The following ERC2 variants were observed in gnomAD, a reference collection of about 807,000 sequenced individuals.
ERC2 encodes ELKS/RAB6-interacting/CAST family member 2.
A neutral mutation model predicts 114.8 loss-of-function variants in ERC2; 42 were observed. The ratio of observed to expected loss-of-function variants is 0.37; its 90% CI spans 0.29 to 0.47. ERC2 has a LOEUF of 0.47. ERC2 is among the 20% of genes least tolerant of loss of function. The pLI is 0.99. For missense variants in ERC2, 939 were observed against 1,150.7 expected (o/e 0.82, Z 2.66); for synonymous variants, 454 against 425.5 (o/e 1.07, Z -0.82).
intron 6 of ERC2, among the ~76,000 whole-genome samples, chr3:56,137,928 C>T (rs1420035779): frequency 1.3e-5 from 2 of 152,290 alleles, no homozygotes; most frequent in South Asian, 2.1e-4. Flanking sequence ...TCACTGCTGC[C>T]TCCTCAAAGG....
At chr3:56,242,958 T>G (rs1056092271) in intron 3 of ERC2, among the ~76,000 whole-genome samples, 1 of 152,214 alleles carries the variant, frequency 6.6e-6, no homozygotes, top group African/African-American at 2.4e-5. Flanking sequence ...CACTTGCCCT[T>G]ATTCAGGCTA....
intron 15 of ERC2, among the ~76,000 whole-genome samples, chr3:55,709,932 T>G (rs1354051741): frequency 1.3e-5 from 2 of 152,154 alleles, no homozygotes; most frequent in African/African-American, 4.8e-5. Flanking sequence ...GGTCTCACGC[T>G]TGGGTGAGAC....
At chr3:56,038,317 C>T (rs1341141169) in intron 7 of ERC2, among the ~76,000 whole-genome samples, 2 of 152,028 alleles carry the variant, frequency 1.3e-5, no homozygotes, top group Non-Finnish European at 1.5e-5. Flanking sequence ...ATGTGGCCAA[C>T]AAACATATGA....
At chr3:55,649,235 C>G (rs1361421815) in intron 17 of ERC2, among the ~76,000 whole-genome samples, 1 of 149,860 alleles carries the variant, frequency 6.7e-6, no homozygotes, top group East Asian at 2.0e-4. Context: ...TAACTTGATT[C>G]TTTCAAAGTT....
rs144225567 is a variant in ERC2 at position 56,145,031 on chromosome 3, T to C, written c.1305+3946A>G. 1.0e-3 allele frequency among the ~76,000 whole-genome samples: 159 copies of C among 152,304 alleles called. 1 individual carries two copies. The highest frequency in any genetic ancestry group is 6.8e-3 in the Middle Eastern group (2 of 294). ...CATCACATGCTTTATATGAAGTCCA[T>C]GTGGACATCAGGCACACTTCATCCC... On this transcript the variant is annotated intron_variant, in intron 5 of 17. Coordinates refer to ENST00000288221, the MANE Select transcript of ERC2 (RefSeq NM_015576.3).
intron 3 of ERC2, among the ~76,000 whole-genome samples, chr3:56,234,233 C>T (rs987847526): frequency 2.1e-4 from 32 of 152,308 alleles, no homozygotes; most frequent in Non-Finnish European, 1.0e-4. Flanking sequence ...TCAATTCACT[C>T]TTTTCTTGAA....
chr3:55,517,668 C>T (rs955773856), intron 17 of ERC2, among the ~76,000 whole-genome samples: 4 of 152,172 alleles, frequency 2.6e-5, no homozygotes, highest in African/African-American at 4.8e-5. Flanking sequence ...TGGTTCCCAG[C>T]GCCCAGCCAT....
chr3:55,903,906 C>T (rs1337838607), intron 13 of ERC2, among the ~76,000 whole-genome samples: 1 of 152,250 alleles, frequency 6.6e-6, no homozygotes, highest in Admixed American at 6.5e-5. Context: ...TAGACTCACA[C>T]ACACATCCAC....
At chr3:55,588,657 C>T (rs764635353) in intron 17 of ERC2, among the ~76,000 whole-genome samples, 8 of 152,094 alleles carry the variant, frequency 5.3e-5, no homozygotes, top group Non-Finnish European at 1.2e-4. Context: ...TGAGTGTGAT[C>T]GAAGAAAACT....
At chr3:55,827,844 A>C (rs1201912830) in intron 14 of ERC2, among the ~76,000 whole-genome samples, 1 of 152,238 alleles carries the variant, frequency 6.6e-6, no homozygotes, top group East Asian at 1.9e-4. Flanking sequence ...ATAGAAAAGT[A>C]CTACAACCCA....
intron 3 of ERC2, among the ~76,000 whole-genome samples, chr3:56,219,772 T>C (rs2049774169): frequency 6.6e-6 from 1 of 151,730 alleles, no homozygotes. Context: ...AGAGAGGAGC[T>C]GCTCCCTACT....
chr3:56,368,971 C>T (rs2059259036), intron 2 of ERC2, among the ~76,000 whole-genome samples: 1 of 152,196 alleles, frequency 6.6e-6, no homozygotes, highest in Non-Finnish European at 1.5e-5. Context: ...TGGAAGGCTA[C>T]TCCATAATAG....
chr3:55,819,727 C>T (rs888637622), intron 14 of ERC2, among the ~76,000 whole-genome samples: 2 of 152,198 alleles, frequency 1.3e-5, no homozygotes, highest in Admixed American at 1.3e-4. Context: ...ACGGCAGAGA[C>T]AAGTGCCGCT....
chr3:56,174,929 G>T (rs1380559595), intron 3 of ERC2, among the ~76,000 whole-genome samples: 1 of 150,390 alleles, frequency 6.6e-6, no homozygotes, highest in African/African-American at 2.5e-5. Flanking sequence ...AGTGAGCCGA[G>T]ATCACGCCAC....
At chr3:56,460,846 C>T (rs371720078) in intron 1 of ERC2, among the ~76,000 whole-genome samples, 4 of 151,914 alleles carry the variant, frequency 2.6e-5, no homozygotes, top group African/African-American at 7.2e-5. Context: ...GGCGGCCTAG[C>T]GTGGTGGCTC....
chr3:56,428,395 C>G (rs2061656051), intron 2 of ERC2, among the ~76,000 whole-genome samples: 1 of 151,916 alleles, frequency 6.6e-6, no homozygotes, highest in African/African-American at 2.4e-5. Flanking sequence ...CTGGTACACA[C>G]CTGTAGTCCC....
At chr3:55,975,537 TA>T (rs1371786329) in intron 12 of ERC2, among the ~76,000 whole-genome samples, 2 of 152,200 alleles carry the variant, frequency 1.3e-5, no homozygotes. Context: ...TTTTGTCTTT[TA>T]AAAAAATTTC....
chr3:56,438,573 T>A (rs1385437523), intron 1 of ERC2, among the ~76,000 whole-genome samples: 1 of 151,606 alleles, frequency 6.6e-6, no homozygotes, highest in Admixed American at 6.6e-5. Flanking sequence ...ATTAAAAAAA[T>A]GATTTTCTTT....
At chr3:56,021,727 T>C (rs2073726210) in intron 7 of ERC2, among the ~76,000 whole-genome samples, 1 of 152,178 alleles carries the variant, frequency 6.6e-6, no homozygotes, top group Admixed American at 6.5e-5. Flanking sequence ...TCCTCCCACC[T>C]TCCCCACTCA....
Sources: allele counts gnomAD v4.1 joint callset (sites outside exome capture counted in the v4.1 genomes callset), GRCh38; gene constraint gnomAD v4.1.1; transcripts MANE v1.5; gene names NCBI Gene and HGNC (gene_info 2026-07-23, HGNC 2026-07-21).